The following MSI1 variants were observed in gnomAD, a reference collection of about 807,000 sequenced individuals.
The protein encoded by MSI1 is RNA-binding protein Musashi homolog 1.
MSI1 carries 15 observed loss-of-function variants against 54.4 expected under a neutral mutation model. The ratio of observed to expected loss-of-function variants is 0.28; its 90% CI spans 0.18 to 0.42. MSI1 has a LOEUF of 0.42. Among genes scored for constraint, MSI1 ranks in the 20% least tolerant of loss-of-function variants. The pLI is 1.00. For missense variants in MSI1, 304 were observed against 506.0 expected (o/e 0.60, Z 3.83); for synonymous variants, 200 against 196.5 (o/e 1.02, Z -0.15).
chr12:120,346,246 G>T lies in MSI1; in HGVS notation c.936C>A (p.Ser312Arg). The stretch of plus-strand genomic sequence containing the variant: ...CGTAGAGCTCGGCCATGGGGCCGGG[G>T]CTGGTGGTCCCCAGGAAGCCCCCTG... ...SRTGGFLGTT[S>R]PGPMAELYGA... Residue 312 changes from serine to arginine, a missense_variant, in exon 13 of 15, where the codon AGC (serine) becomes AGA (arginine). By Grantham distance (110) the Ser-to-Arg change is moderately radical. This residue lies in a region of MSI1 where 147 missense variants were observed against 231.5 expected (regional missense o/e 0.64). Transcript: ENST00000257552. The T allele has an allele frequency of 6.3e-7, 1 of 1,595,128 alleles. No homozygotes were observed.
chr12:120,366,235 G>A (rs545909246), intron 4 of MSI1, among the ~76,000 whole-genome samples: 6 of 152,118 alleles, frequency 3.9e-5, no homozygotes, highest in Non-Finnish European at 7.3e-5. Context: ...ACTCAGCCTC[G>A]TTCTAGGCAG....
intron 6 of MSI1, among the ~76,000 whole-genome samples, chr12:120,361,217 T>TTGAATGAA (rs539904656): frequency 1.3e-5 from 2 of 151,892 alleles, no homozygotes; most frequent in African/African-American, 2.4e-5. Flanking sequence ...CAATCATTTT[T>TTGAATGAA]TGAATGAATG....
chr12:120,353,084 T>C (rs979971835), intron 10 of MSI1, among the ~76,000 whole-genome samples: 1 of 145,666 alleles, frequency 6.9e-6, no homozygotes, highest in Non-Finnish European at 1.5e-5. Context: ...AACGGTGCCA[T>C]GCAGGGCCAC....
intron 7 of MSI1, among the ~76,000 whole-genome samples, 177 bp downstream of exon 7, chr12:120,358,828 C>T (rs1875376726): frequency 6.6e-6 from 1 of 152,114 alleles, no homozygotes; most frequent in Non-Finnish European, 1.5e-5. Context: ...TGCAATTCGG[C>T]AAGTTTCTAG....
Position 120,353,578 on chromosome 12 carries a change from G to A in MSI1, c.653-199C>T, listed in dbSNP as rs115459987. 4.5e-3 allele frequency among the ~76,000 whole-genome samples: 682 copies of A among 152,348 alleles called. 2 individuals are homozygous for A. The highest frequency in any genetic ancestry group is 0.031 in the Middle Eastern group (9 of 294). On this transcript the variant is annotated intron_variant, in intron 9 of 14. Transcript: ENST00000257552. The stretch of plus-strand genomic sequence containing the variant: ...TCCCGTTAAACTCGCCTTAGAGGTA[G>A]GTACTGTTAGGCACCCCATTTTACA...
chr12:120,366,099 A>ATGCAGGGCC (rs1425554666), intron 4 of MSI1, among the ~76,000 whole-genome samples: 1 of 152,216 alleles, frequency 6.6e-6, no homozygotes, highest in Non-Finnish European at 1.5e-5. Flanking sequence ...GCTGTGATCC[A>ATGCAGGGCC]TGCAGGGCCT....
intron 12 of MSI1, 61 bp downstream of exon 12, chr12:120,347,385 C>A (rs1308526159): frequency 1.9e-6 from 3 of 1,601,352 alleles, no homozygotes; most frequent in African/African-American, 1.3e-5. Context: ...TCTCCCCTCC[C>A]CTGGACTTCT....
At chr12:120,367,856 A>C in intron 4 of MSI1, 152 bp downstream of exon 4, 1 of 729,288 alleles carries the variant, frequency 1.4e-6, no homozygotes, top group Non-Finnish European at 2.2e-6. Flanking sequence ...AACTCTAGTG[A>C]CAAAGTTTCA....
In MSI1 at chr12:120,356,945, C is replaced by T; in HGVS notation, c.609G>A (p.Met203Ile). The change falls in exon 9 of 15, where the codon ATG becomes ATA. Residue 203 changes from methionine (M) to isoleucine (I), a missense_variant. This residue lies in a region of MSI1 where 22 missense variants were observed against 19.6 expected (regional missense o/e 1.12). Transcript: ENST00000257552. ...GCATGAAGGCGTCCATTCCGTAGGGCATGACTCGAGACCTCCCCCGGGCTG... is the reference window on the plus strand; with the variant it reads ...GCATGAAGGCGTCCATTCCGTAGGGTATGACTCGAGACCTCCCCCGGGCTG... ...TGSARGRSRVMPYGMDAFMLG... is the reference protein window; with the variant it reads ...TGSARGRSRVIPYGMDAFMLG... 1 of 1,614,234 alleles carries T rather than the reference C, an allele frequency of 6.2e-7. No homozygotes were observed. The highest frequency in any genetic ancestry group is 2.2e-5 in the East Asian group (1 of 44,892).
At chr12:120,356,694 G>A (rs557459014) in intron 9 of MSI1, among the ~76,000 whole-genome samples, 22 of 152,156 alleles carry the variant, frequency 1.4e-4, no homozygotes, top group Non-Finnish European at 2.8e-4. Context: ...CTTTCTGCTG[G>A]CTACCACCAG....
chr12:120,354,556 C>T (rs1874913093), intron 9 of MSI1, among the ~76,000 whole-genome samples: 6 of 152,136 alleles, frequency 3.9e-5, no homozygotes. Context: ...CTAAGCCTCC[C>T]GAGGAGCTGG....
intron 12 of MSI1, 70 bp downstream of exon 12, chr12:120,347,376 C>T: frequency 6.4e-7 from 1 of 1,570,450 alleles, no homozygotes; most frequent in Non-Finnish European, 8.7e-7. Flanking sequence ...CAGTGGCCTT[C>T]TCCCCTCCCC....
chr12:120,351,047 C>T (rs1322791365), intron 11 of MSI1, among the ~76,000 whole-genome samples: 6 of 152,068 alleles, frequency 3.9e-5, no homozygotes, highest in Admixed American at 6.5e-5. Flanking sequence ...TTGTTCACTG[C>T]GGGATCCCAG....
chr12:120,367,921 C>T, intron 4 of MSI1, 87 bp downstream of exon 4: 2 of 1,340,918 alleles, frequency 1.5e-6, no homozygotes, highest in South Asian at 1.3e-5. Context: ...TGGACCCCGT[C>T]CAGCTGTCCC....
intron 11 of MSI1, among the ~76,000 whole-genome samples, chr12:120,350,648 G>A (rs1277496851): frequency 6.6e-6 from 1 of 152,154 alleles, no homozygotes; most frequent in Non-Finnish European, 1.5e-5. Context: ...CCCACCCCAC[G>A]TGCTTGCAGT....
At chr12:120,364,851 G>A in intron 4 of MSI1, 96 bp from the exon 5 acceptor site, 1 of 1,045,690 alleles carries the variant, frequency 9.6e-7, no homozygotes, top group Non-Finnish European at 1.4e-6. Context: ...TCTCCTCCCA[G>A]GACACAAAGG....
chr12:120,368,086 G>A lies in MSI1; in HGVS notation c.189C>T (p.Phe63=), dbSNP rs778569449. 1.4e-5 allele frequency: 23 copies of A among 1,613,548 alleles called. No individual in the cohort carries two copies. In the South Asian group the frequency reaches 2.2e-4, roughly 15 times the overall value. Residue 63 remains phenylalanine, a synonymous_variant, in exon 4 of 15, where the codon TTC becomes TTT. Transcript: ENST00000257552. This position sits in a 1 kb window ranked among gnomAD's most constrained non-coding sequence, Gnocchi z 6.6. ...CCTGGTCCATGAAAGTGACGAAGCC[G>A]AAACCCCTGCGCGCCGTAGTGAGGG... The part of the protein sequence containing the change: ...RDPLTKRSRG[F]GFVTFMDQAG...
At chr12:120,351,869 C>T (rs753718876) in intron 10 of MSI1, among the ~76,000 whole-genome samples, 83 of 151,692 alleles carry the variant, frequency 5.5e-4, no homozygotes, top group Non-Finnish European at 6.8e-4. Context: ...CCACCACGCC[C>T]GGATAATTTT....
In MSI1 at chr12:120,366,697, T is replaced by TC. The variant is rs1265538990; in HGVS notation, c.267+1310dup. Among the ~76,000 whole-genome samples, 10 of 151,566 alleles carry TC rather than the reference T, an allele frequency of 6.6e-5. No homozygotes were observed. The East Asian group carries it at 1.9e-3, about 29-fold the overall frequency. ...ATAGACTCCCCACAGTAAACCTCCC[T>TC]CCCACCCCCTTTCCCAGGCTGGAGG... On this transcript the variant is annotated intron_variant, in intron 4 of 14. Transcript: ENST00000257552.
Sources: allele counts gnomAD v4.1 joint callset (sites outside exome capture counted in the v4.1 genomes callset), GRCh38; gene constraint gnomAD v4.1.1; regional missense constraint gnomAD v4.1.1; non-coding constraint Gnocchi (gnomAD v3.1); transcripts MANE v1.5; gene names NCBI Gene and HGNC (gene_info 2026-07-23, HGNC 2026-07-21).